The following ABCG2 variants were observed in gnomAD, a reference collection of about 807,000 sequenced individuals.
The protein encoded by ABCG2 is broad substrate specificity ATP-binding cassette transporter ABCG2.
In ABCG2, 80 loss-of-function variants were observed where a neutral mutation model predicts 73.5. The ratio of observed to expected loss-of-function variants is 1.09; its 90% CI spans 0.91 to 1.31. The LOEUF (loss-of-function observed/expected upper bound fraction) is 1.31, where lower values mean the gene tolerates loss of function less well. ABCG2 is among the 50% of genes most tolerant of loss of function. The pLI, the probability that ABCG2 is intolerant of heterozygous loss-of-function variation, is 0.00. For synonymous variants in ABCG2, 269 were observed against 282.4 expected (o/e 0.95, Z 0.48); for missense variants, 796 against 786.2 (o/e 1.01, Z -0.15).
At chr4:88,093,029 C>G (rs1721742425) in intron 15 of ABCG2, among the ~76,000 whole-genome samples, 1 of 152,160 alleles carries the variant, frequency 6.6e-6, no homozygotes, top group Non-Finnish European at 1.5e-5. Context: ...ACTCAGCTAT[C>G]AGGTTTAAGC....
intron 5 of ABCG2, among the ~76,000 whole-genome samples, chr4:88,128,823 T>C (rs1187105979): frequency 6.6e-6 from 1 of 152,102 alleles, no homozygotes; most frequent in African/African-American, 2.4e-5. Context: ...CGAATGTAGA[T>C]GATGGGTTGA....
intron 1 of ABCG2, among the ~76,000 whole-genome samples, chr4:88,166,534 G>A (rs1240282472): frequency 6.6e-6 from 1 of 152,096 alleles, no homozygotes; most frequent in Admixed American, 6.6e-5. Context: ...CCCAAGCACT[G>A]GACCTAAGTT....
At chr4:88,122,668 G>A (rs1724089902) in intron 5 of ABCG2, among the ~76,000 whole-genome samples, 2 of 152,170 alleles carry the variant, frequency 1.3e-5, no homozygotes, top group Non-Finnish European at 1.5e-5. Flanking sequence ...CCCAGTCAGG[G>A]GTATATAGAT....
At chr4:88,115,144 G>T in intron 7 of ABCG2, 86 bp from the exon 8 acceptor site, 1 of 823,910 alleles carries the variant, frequency 1.2e-6, no homozygotes, top group Non-Finnish European at 2.0e-6. Context: ...GGGAGGTAAG[G>T]CTAGAGAAGA....
intron 6 of ABCG2, among the ~76,000 whole-genome samples, chr4:88,118,952 G>C (rs538071247): frequency 5.5e-4 from 83 of 152,292 alleles, no homozygotes; most frequent in African/African-American, 1.7e-3. Flanking sequence ...GACCAAAATA[G>C]TGCTAAAGTA....
At chr4:88,125,352 T>C (rs1724320178) in intron 5 of ABCG2, among the ~76,000 whole-genome samples, 1 of 149,876 alleles carries the variant, frequency 6.7e-6, no homozygotes, top group African/African-American at 2.5e-5. Context: ...CTCATGCCTG[T>C]AATCCCAGCA....
chr4:88,162,900 C>T (rs998142924), upstream of ABCG2, among the ~76,000 whole-genome samples: 1 of 152,070 alleles, frequency 6.6e-6, no homozygotes, highest in Admixed American at 6.6e-5. Context: ...AGTCACTGCC[C>T]AGTATTTATA....
chr4:88,208,646 A>C (rs1431486538), intron 1 of ABCG2, among the ~76,000 whole-genome samples: 1 of 152,232 alleles, frequency 6.6e-6, no homozygotes, highest in Admixed American at 6.5e-5. Flanking sequence ...AGGGCTTTCT[A>C]GGGATAGCAG....
intron 1 of ABCG2, among the ~76,000 whole-genome samples, chr4:88,179,669 A>G (rs551856542): frequency 2.4e-4 from 36 of 152,356 alleles, no homozygotes; most frequent in African/African-American, 8.4e-4. Context: ...AAGATAACAC[A>G]AAGAAGGAAT....
chr4:88,212,522 T>C (rs1352454759), intron 1 of ABCG2, among the ~76,000 whole-genome samples: 2 of 152,210 alleles, frequency 1.3e-5, no homozygotes, highest in Non-Finnish European at 2.9e-5. Context: ...GCGTTACCTA[T>C]GTACTTGCAG....
Position 88,091,452 on chromosome 4 carries a change from A to T in ABCG2, c.*782T>A, listed in dbSNP as rs1468967225. The T allele has an allele frequency of 6.6e-6, 1 of 152,212 alleles. No individual in the cohort carries two copies. The highest frequency in any genetic ancestry group is 1.5e-5 in the Non-Finnish European group (1 of 68,030). The allele number at this position is 152,212 out of a possible 1,614,324, so 9.4% of individuals were successfully genotyped here. A position where few individuals can be genotyped will look rare whatever the true frequency, so the allele number is the denominator to read the frequency against. The stretch of plus-strand genomic sequence containing the variant: ...TATGAAGGTAGATCTGGAGCTACTT[A>T]GGCCAGATTTTTGTATTTTAGCAAA... On this transcript the variant is annotated 3_prime_UTR_variant, in exon 16 of 16. Coordinates refer to ENST00000237612, the MANE Select transcript of ABCG2 (RefSeq NM_004827.3).
At chr4:88,139,713 T>C in intron 2 of ABCG2, 80 bp downstream of exon 2, 3 of 1,252,262 alleles carry the variant, frequency 2.4e-6, no homozygotes, top group Non-Finnish European at 3.3e-6. Context: ...TCATAGCCAG[T>C]TTCTTGGAAA....
chr4:88,214,111 CTAAG>C (rs967415036), intron 1 of ABCG2, among the ~76,000 whole-genome samples: 6 of 150,258 alleles, frequency 4.0e-5, no homozygotes, highest in Non-Finnish European at 7.4e-5. Context: ...CCTCAGCCTC[CTAAG>C]TAAGTGGGAC....
intron 1 of ABCG2, among the ~76,000 whole-genome samples, chr4:88,192,305 T>C (rs999852476): frequency 6.6e-6 from 1 of 152,204 alleles, no homozygotes; most frequent in African/African-American, 2.4e-5. Flanking sequence ...TCGTAATGAC[T>C]ATACTATTCT....
At chr4:88,093,871 A>C (rs1266818758) in intron 15 of ABCG2, among the ~76,000 whole-genome samples, 1 of 152,220 alleles carries the variant, frequency 6.6e-6, no homozygotes, top group Non-Finnish European at 1.5e-5. Flanking sequence ...TAAATTCTTA[A>C]AACAATATTA....
chr4:88,156,185 G>T (rs1726924242), intron 1 of ABCG2, among the ~76,000 whole-genome samples: 1 of 151,848 alleles, frequency 6.6e-6, no homozygotes, highest in Non-Finnish European at 1.5e-5. Context: ...GACCAGCCTG[G>T]CCAACATGGA....
rs761959717 is a variant in ABCG2 at position 88,131,122 on chromosome 4, T to C, written c.470A>G (p.Lys157Arg). ...RLATTMTNHE[K>R]NERINRVIQE... The stretch of plus-strand genomic sequence containing the variant: ...AATGACCCTGTTAATCCGTTCGTTT[T>C]TTTCATGATTCGTCATAGTTGTTGC... The change falls in exon 5 of 16, where the codon AAA (lysine) becomes AGA (arginine). Residue 157 changes from lysine to arginine, a missense_variant. Transcript: ENST00000237612. 26 of 1,614,004 alleles carry C rather than the reference T, an allele frequency of 1.6e-5. No homozygotes were observed. Among genetic ancestry groups the C allele is most frequent in the Non-Finnish European group, 2.2e-5 (26 of 1,180,018 alleles).
At chr4:88,182,640 C>T (rs543019039) in intron 1 of ABCG2, among the ~76,000 whole-genome samples, 3 of 152,212 alleles carry the variant, frequency 2.0e-5, no homozygotes, top group African/African-American at 7.2e-5. Context: ...AAACAACATG[C>T]TCCTGAATGA....
At chr4:88,141,957 G>A (rs1452390585) in intron 1 of ABCG2, among the ~76,000 whole-genome samples, 3 of 152,074 alleles carry the variant, frequency 2.0e-5, no homozygotes, top group Admixed American at 6.5e-5. Flanking sequence ...GAATTCAATC[G>A]ATGAGTTTAA....
Sources: allele counts gnomAD v4.1 joint callset (sites outside exome capture counted in the v4.1 genomes callset), GRCh38; gene constraint gnomAD v4.1.1; transcripts MANE v1.5; gene names NCBI Gene and HGNC (gene_info 2026-07-23, HGNC 2026-07-21).